Variants in SRPK2 observed in about 807,000 individuals in gnomAD.
SRPK2 encodes SFRS protein kinase 2.
Under a neutral mutation model 90.8 loss-of-function variants are expected in SRPK2, and 21 were observed. The observed-to-expected ratio is 0.23, with a 90% CI of 0.16 to 0.33. SRPK2 has a LOEUF of 0.33. SRPK2 is among the 10% of genes least tolerant of loss of function. SRPK2 has a pLI of 1.00. For missense variants in SRPK2, 620 were observed against 869.0 expected, an observed-to-expected ratio of 0.71 and a Z score of 3.60; for synonymous variants, 288 against 311.1, an observed-to-expected ratio of 0.93 and a Z score of 0.78.
chr7:105,339,812 G>A (rs151230161), intron 2 of SRPK2, among the ~76,000 whole-genome samples: 2 of 152,282 alleles, frequency 1.3e-5, no homozygotes, highest in South Asian at 2.1e-4. Flanking sequence ...TGTAATCCTA[G>A]CACTCTGGAA....
intron 2 of SRPK2, chr7:105,244,798 C>A: frequency 1.0e-6 from 1 of 969,078 alleles, no homozygotes; most frequent in Non-Finnish European, 1.7e-6. Flanking sequence ...AGGCATGTGG[C>A]TTCGCCCCGT....
At chr7:105,233,113 AAGGAAG>A in intron 2 of SRPK2, among the ~76,000 whole-genome samples, 2 of 142,916 alleles carry the variant, frequency 1.4e-5, no homozygotes, top group Admixed American at 1.4e-4. Flanking sequence ...GGAAGGAAGG[AAGGAAG>A]GAAGGAAGGA....
intron 2 of SRPK2, among the ~76,000 whole-genome samples, chr7:105,293,761 CAAGAT>C (rs1169684490): frequency 6.6e-6 from 1 of 152,126 alleles, no homozygotes; most frequent in Admixed American, 6.6e-5. Flanking sequence ...TGAAACCCTG[CAAGAT>C]AAGATATGTC....
intron 2 of SRPK2, among the ~76,000 whole-genome samples, chr7:105,322,611 A>T (rs1336582037): frequency 6.6e-6 from 1 of 152,132 alleles, no homozygotes; most frequent in Non-Finnish European, 1.5e-5. Flanking sequence ...TAATGGGTAG[A>T]GTTTCTTACT....
intron 2 of SRPK2, among the ~76,000 whole-genome samples, chr7:105,303,516 T>A (rs929110943): frequency 3.3e-5 from 5 of 152,118 alleles, no homozygotes; most frequent in African/African-American, 1.2e-4. Flanking sequence ...AGGGGTGGCA[T>A]TAAATCCACA....
chr7:105,282,724 G>C (rs1563189069), intron 2 of SRPK2, among the ~76,000 whole-genome samples: 1 of 152,150 alleles, frequency 6.6e-6, no homozygotes, highest in Non-Finnish European at 1.5e-5. Context: ...GGGAAGCGGA[G>C]GTTGCAGTGA....
At chr7:105,321,712 TAAG>T (rs759073873) in intron 2 of SRPK2, among the ~76,000 whole-genome samples, 51 of 152,210 alleles carry the variant, frequency 3.4e-4, no homozygotes, top group South Asian at 6.2e-4. Flanking sequence ...ACATCATTCA[TAAG>T]GAGAATGCAA....
At chr7:105,152,257 C>T (rs1400926403) in intron 7 of SRPK2, among the ~76,000 whole-genome samples, 1 of 152,048 alleles carries the variant, frequency 6.6e-6, no homozygotes, top group Non-Finnish European at 1.5e-5. Context: ...TCAAGCAATT[C>T]TCCTGCCTCA....
At chr7:105,171,092 G>C (rs559953019) in intron 3 of SRPK2, among the ~76,000 whole-genome samples, 1 of 151,364 alleles carries the variant, frequency 6.6e-6, no homozygotes, top group East Asian at 1.9e-4. Context: ...GGGGAGGGGA[G>C]GGGACGGGAA....
chr7:105,367,470 C>T (rs138115935), intron 2 of SRPK2, among the ~76,000 whole-genome samples: 96 of 151,986 alleles, frequency 6.3e-4, no homozygotes, highest in African/African-American at 2.2e-3. Flanking sequence ...ACCGTGTTGC[C>T]CAGGCTGGTC....
At chr7:105,141,243 G>A (rs186543128) in intron 11 of SRPK2, among the ~76,000 whole-genome samples, 9 of 152,274 alleles carry the variant, frequency 5.9e-5, no homozygotes, top group Admixed American at 5.9e-4. Flanking sequence ...GCAGAATGTC[G>A]GGCTGTTTGC....
At chr7:105,390,958 G>C (rs1822165043), upstream of SRPK2, among the ~76,000 whole-genome samples, 1 of 152,028 alleles carries the variant, frequency 6.6e-6, no homozygotes, top group Admixed American at 6.6e-5. Flanking sequence ...TTCCATTACT[G>C]GTGATGTTAC....
intron 2 of SRPK2, among the ~76,000 whole-genome samples, chr7:105,374,939 A>C (rs757066628): frequency 2.7e-4 from 41 of 152,182 alleles, no homozygotes; most frequent in Admixed American, 4.6e-4. Context: ...CAAAATGTAA[A>C]ATAAGGAAAG....
chr7:105,294,542 G>GTTTTGT (rs1809531819), intron 2 of SRPK2, among the ~76,000 whole-genome samples: 1 of 106,926 alleles, frequency 9.4e-6, no homozygotes, highest in African/African-American at 3.7e-5. Flanking sequence ...GTTTTGTTTT[G>GTTTTGT]TTTTTTTGAA....
intron 2 of SRPK2, among the ~76,000 whole-genome samples, chr7:105,209,043 T>C (rs190646844): frequency 6.6e-5 from 10 of 152,344 alleles, no homozygotes; most frequent in Admixed American, 6.5e-4. Flanking sequence ...TACACCGTTA[T>C]AAAATGTATG....
At chr7:105,250,407 G>GAAA (rs11450301) in intron 2 of SRPK2, among the ~76,000 whole-genome samples, 16 of 149,098 alleles carry the variant, frequency 1.1e-4, no homozygotes, top group African/African-American at 3.2e-4. Context: ...AACAATGCAA[G>GAAA]AAAAAAAAAA....
At chr7:105,171,441 T>G (rs548206882) in intron 3 of SRPK2, among the ~76,000 whole-genome samples, 7 of 152,372 alleles carry the variant, frequency 4.6e-5, no homozygotes, top group Non-Finnish European at 8.8e-5. Flanking sequence ...CTTTTAACAT[T>G]TGCTTTTTTA....
intron 2 of SRPK2, among the ~76,000 whole-genome samples, chr7:105,295,008 C>T (rs893106529): frequency 2.6e-5 from 4 of 151,960 alleles, no homozygotes; most frequent in Middle Eastern, 3.2e-3. Context: ...GTCAGGAGTT[C>T]GAGACCAGCT....
intron 2 of SRPK2, among the ~76,000 whole-genome samples, chr7:105,261,022 TA>T (rs72277307): frequency 0.14 from 16,167 of 115,866 alleles, 1,036 homozygotes; most frequent in East Asian, 0.26. Flanking sequence ...CCCTAGAAAT[TA>T]AAAAAAAAAA....
Sources: gnomAD v4.1 joint callset for allele counts (sites outside exome capture counted in the v4.1 genomes callset) on GRCh38, gnomAD v4.1.1 for gene constraint, MANE v1.5 for transcripts, NCBI Gene and HGNC (gene_info 2026-07-23, HGNC 2026-07-21) for gene names.